The following NOSTRIN variants were observed in gnomAD, a reference collection of about 807,000 sequenced individuals.
NOSTRIN encodes nitric oxide synthase trafficking.
A neutral mutation model predicts 59.0 loss-of-function variants in NOSTRIN; 63 were observed. The observed-to-expected ratio is 1.07, with a 90% CI of 0.87 to 1.32. The LOEUF (loss-of-function observed/expected upper bound fraction) is 1.32, where lower values mean the gene tolerates loss of function less well. Ranked by LOEUF, NOSTRIN falls within the 40% of genes most tolerant of loss-of-function variation. The probability of loss-of-function intolerance (pLI) is 0.00; values close to 1 mark genes in which losing one functional copy is unlikely to be tolerated. For missense variants in NOSTRIN, 512 were observed against 473.1 expected, an observed-to-expected ratio of 1.08 and a Z score of -0.76; for synonymous variants, 200 against 165.4, an observed-to-expected ratio of 1.21 and a Z score of -1.61.
intron 2 of NOSTRIN, among the ~76,000 whole-genome samples, chr2:168,823,295 C>T (rs754588507): frequency 1.1e-4 from 17 of 152,182 alleles, no homozygotes; most frequent in South Asian, 2.1e-4. Context: ...GGATTACAGG[C>T]GTGAGCCACC....
In NOSTRIN at chr2:168,828,492, G is replaced by A; in HGVS notation, c.333G>A (p.Lys111=). The A allele has an allele frequency of 1.1e-6, 1 of 870,146 alleles. No homozygotes were observed. Among genetic ancestry groups the A allele is most frequent in the Non-Finnish European group, 2.0e-6 (1 of 501,030 alleles). 53.9% of individuals were successfully genotyped at this position (870,146 alleles called of 1,614,324 possible). The change falls in exon 5 of 16, where the codon AAG becomes AAA. Residue 111 remains lysine (K), a synonymous_variant. Transcript: ENST00000317647. ...TYQVLNVQEK[K]RKSLDNEVEK... Reference sequence around the variant, plus strand: ...AAGTCCTAAATGTACAAGAGAAGAAGAGAAAATCAGTGAGTCCAAACCTTT... The same window carrying A: ...AAGTCCTAAATGTACAAGAGAAGAAAAGAAAATCAGTGAGTCCAAACCTTT...
chr2:168,804,367 G>A (rs1055687319), intron 1 of NOSTRIN, among the ~76,000 whole-genome samples: 1 of 152,110 alleles, frequency 6.6e-6, no homozygotes, highest in African/African-American at 2.4e-5. Context: ...GGGAGTCATG[G>A]GGAGGGCGGA....
chr2:168,853,466 C>A (rs1029069434), intron 10 of NOSTRIN, among the ~76,000 whole-genome samples: 1 of 152,138 alleles, frequency 6.6e-6, no homozygotes, highest in Non-Finnish European at 1.5e-5. Context: ...TTCTTTCTAA[C>A]AAATCTTTAG....
chr2:168,789,893 T>C lies in NOSTRIN; in HGVS notation c.-473+1845T>C, dbSNP rs368231865. 2.6e-5 allele frequency among the ~76,000 whole-genome samples: 4 copies of C among 152,208 alleles called. 1 individual carries two copies. The highest frequency in any genetic ancestry group is 6.5e-5 in the Admixed American group (1 of 15,292). On this transcript the variant is annotated intron_variant, in intron 2 of 20. Transcript: ENST00000458381. ...CTGAACCAGTACTTGGAAAAACTGG[T>C]CTCATAAAAGAGCTTATGAGAGCAG...
At chr2:168,817,848 C>A (rs140006175) in intron 2 of NOSTRIN, among the ~76,000 whole-genome samples, 4 of 152,316 alleles carry the variant, frequency 2.6e-5, no homozygotes, top group East Asian at 1.9e-4. Context: ...GTGAGCCAGC[C>A]ACTCCAATGA....
chr2:168,863,193 C>G (rs539400), intron 15 of NOSTRIN, among the ~76,000 whole-genome samples: 124,350 of 152,178 alleles, frequency 0.82, 50,873 homozygotes, highest in East Asian at 0.91. Flanking sequence ...GACGTTGGAG[C>G]CTTAGGGAAG....
intron 7 of NOSTRIN, among the ~76,000 whole-genome samples, 178 bp downstream of exon 7, chr2:168,834,503 G>GCACACACA (rs1355060150): frequency 2.4e-4 from 29 of 119,736 alleles, no homozygotes; most frequent in African/African-American, 5.2e-4. Context: ...GCGCGCGCGC[G>GCACACACA]CGCGCACACA....
intron 3 of NOSTRIN, 88 bp downstream of exon 3, chr2:168,824,805 C>T (rs1218767174): frequency 1.7e-5 from 8 of 484,742 alleles, no homozygotes; most frequent in Non-Finnish European, 3.0e-5. Flanking sequence ...GAGACAGGGT[C>T]TTGCTCTGTT....
At chr2:168,849,509 C>A (rs1342793501) in intron 8 of NOSTRIN, among the ~76,000 whole-genome samples, 2 of 151,938 alleles carry the variant, frequency 1.3e-5, no homozygotes, top group Non-Finnish European at 2.9e-5. Flanking sequence ...GCGCCCGCCA[C>A]CAGGCCTGGC....
intron 3 of NOSTRIN, among the ~76,000 whole-genome samples, chr2:168,827,919 A>T (rs1687141207): frequency 6.6e-6 from 1 of 152,048 alleles, no homozygotes; most frequent in Non-Finnish European, 1.5e-5. Flanking sequence ...CAGATATGAA[A>T]TAGGAAATGA....
chr2:168,793,474 G>A (rs536472508), upstream of NOSTRIN, among the ~76,000 whole-genome samples: 7 of 152,080 alleles, frequency 4.6e-5, no homozygotes, highest in South Asian at 6.2e-4. Flanking sequence ...AGCTGGGCCC[G>A]GTGGCACACA....
intron 1 of NOSTRIN, among the ~76,000 whole-genome samples, chr2:168,810,125 C>T (rs566682568): frequency 4.6e-5 from 7 of 152,252 alleles, no homozygotes; most frequent in African/African-American, 7.2e-5. Context: ...CCCTCCTCCT[C>T]ACTCATTCAG....
chr2:168,816,307 C>T (rs142265183), intron 2 of NOSTRIN, among the ~76,000 whole-genome samples: 155 of 152,294 alleles, frequency 1.0e-3, no homozygotes, highest in African/African-American at 3.6e-3. Flanking sequence ...CTGTTTAAGA[C>T]GCTTCAAAGA....
intron 7 of NOSTRIN, among the ~76,000 whole-genome samples, chr2:168,838,589 T>A (rs983181585): frequency 1.3e-5 from 2 of 151,980 alleles, no homozygotes; most frequent in Non-Finnish European, 2.9e-5. Context: ...ACTGCTGACA[T>A]CCTCTCTCAG....
At chr2:168,845,507 T>C (rs1338301322) in intron 8 of NOSTRIN, among the ~76,000 whole-genome samples, 1 of 152,230 alleles carries the variant, frequency 6.6e-6, no homozygotes, top group African/African-American at 2.4e-5. Flanking sequence ...CTTCAATATA[T>C]GTTAGGGAAG....
At chr2:168,805,074 C>G (rs1050385674) in intron 1 of NOSTRIN, among the ~76,000 whole-genome samples, 8 of 151,988 alleles carry the variant, frequency 5.3e-5, no homozygotes, top group African/African-American at 1.9e-4. Context: ...CTTTTTAACC[C>G]TACGCTACTT....
At chr2:168,842,510 A>T (rs1385202204) in intron 7 of NOSTRIN, among the ~76,000 whole-genome samples, 1 of 152,234 alleles carries the variant, frequency 6.6e-6, no homozygotes, top group East Asian at 1.9e-4. Flanking sequence ...GTAAAATAAT[A>T]TCGCTAGATA....
intron 7 of NOSTRIN, among the ~76,000 whole-genome samples, chr2:168,837,499 T>C (rs535823743): frequency 3.3e-5 from 5 of 151,976 alleles, no homozygotes; most frequent in East Asian, 1.9e-4. Context: ...TTAGTAGAGA[T>C]GGGATTTCAC....
At chr2:168,840,268 C>T (rs962125684) in intron 7 of NOSTRIN, among the ~76,000 whole-genome samples, 5 of 151,982 alleles carry the variant, frequency 3.3e-5, no homozygotes, top group East Asian at 1.9e-4. Flanking sequence ...CGGTGGCTCA[C>T]GCCTGTAATC....
Sources: gnomAD v4.1 joint callset for allele counts (sites outside exome capture counted in the v4.1 genomes callset) on GRCh38, gnomAD v4.1.1 for gene constraint, MANE v1.5 for transcripts, NCBI Gene and HGNC (gene_info 2026-07-23, HGNC 2026-07-21) for gene names.